NEURL1: variants seen among roughly 807,000 people sequenced by gnomAD.
NEURL1 encodes E3 ubiquitin-protein ligase NEURL1.
In NEURL1, 26 loss-of-function variants were observed where a neutral mutation model predicts 41.2. That is an observed-to-expected ratio of 0.63 (90% confidence interval 0.46 to 0.87). The LOEUF is 0.87. Ranked by LOEUF, NEURL1 falls within the 40% of genes least tolerant of loss-of-function variation. The probability of loss-of-function intolerance (pLI) is 0.00; values close to 1 mark genes in which losing one functional copy is unlikely to be tolerated. For missense variants in NEURL1, 761 were observed against 871.1 expected (o/e 0.87, Z 1.59); for synonymous variants, 400 against 402.3 (o/e 0.99, Z 0.07).
At chr10:103,518,937 A>C (rs888921030) in intron 1 of NEURL1, among the ~76,000 whole-genome samples, 1 of 152,148 alleles carries the variant, frequency 6.6e-6, no homozygotes, top group Non-Finnish European at 1.5e-5. Flanking sequence ...AACAATAAGC[A>C]CATATTGCTT....
chr10:103,496,419 G>A (rs567597554), intron 1 of NEURL1, among the ~76,000 whole-genome samples: 5 of 152,324 alleles, frequency 3.3e-5, no homozygotes, highest in African/African-American at 1.2e-4. Context: ...AAAAAGTGGT[G>A]TGAATGCAAA....
At chr10:103,514,648 G>T (rs1311241735) in intron 1 of NEURL1, among the ~76,000 whole-genome samples, 3 of 152,204 alleles carry the variant, frequency 2.0e-5, no homozygotes, top group African/African-American at 7.2e-5. Context: ...GTAGCCCCTG[G>T]CACTGTGGCA....
In NEURL1 at chr10:103,558,032, C is replaced by A. The variant is rs1017106472; in HGVS notation, c.86-12840C>A. The stretch of plus-strand genomic sequence containing the variant: ...TAGCTGGGATCACAGGCACCCACCA[C>A]CATGCCCGGCTAATTTTTTGTATTT... On this transcript the variant is annotated intron_variant, in intron 1 of 5. Transcript: ENST00000369780. This position sits in a 1 kb window ranked among gnomAD's most constrained non-coding sequence, Gnocchi z 4.2. 45 of 212,704 alleles carry A rather than the reference C, an allele frequency of 2.1e-4. No individual in the cohort carries two copies. The highest frequency in any genetic ancestry group is 3.2e-4 in the Non-Finnish European group (40 of 123,518). The allele number at this position is 212,704 out of a possible 1,614,324, so 13.2% of individuals were successfully genotyped here.
rs2035856956 is a variant in NEURL1 at position 103,584,586 on chromosome 10, C to T, written c.700C>T (p.Leu234=). ...DCLRPRSFTA[L]RRPSLRREAD... is the part of the protein sequence containing the mutation. ...TCTGCGGCCGCGCTCCTTCACCGCC[C>T]TGCGGCGGCCGTCGCTGCGGCGCGA... Residue 234 remains leucine (L), a synonymous_variant, in exon 4 of 6, where the codon CTG becomes TTG. Coordinates refer to ENST00000369780, the MANE Select transcript of NEURL1 (RefSeq NM_004210.5). 1.4e-6 allele frequency: 2 copies of T among 1,416,034 alleles called. No homozygotes were observed. The highest frequency in any genetic ancestry group is 3.1e-5 in the Admixed American group (1 of 32,746). 87.7% of individuals were successfully genotyped at this position (1,416,034 alleles called of 1,614,324 possible).
In NEURL1 at chr10:103,494,251, C is replaced by T. The variant is rs991274346; in HGVS notation, c.-137C>T. 12 of 626,086 alleles carry T rather than the reference C, an allele frequency of 1.9e-5. No individual in the cohort carries two copies. The highest frequency in any genetic ancestry group is 4.0e-5 in the Admixed American group (1 of 24,722). 38.8% of individuals were successfully genotyped at this position (626,086 alleles called of 1,614,324 possible). The stretch of plus-strand genomic sequence containing the variant: ...AGAAAGGAAGCTGAGGAGCTGCCCG[C>T]CCGCCCCCGGCTGCAGCCCCAGCAG... On this transcript the variant is annotated 5_prime_UTR_variant, in exon 1 of 6. Transcript: ENST00000369780.
rs1471260574 is a variant in NEURL1 at position 103,508,086 on chromosome 10, C to G, written c.85+13614C>G. On this transcript the variant is annotated intron_variant, in intron 1 of 5. Coordinates refer to ENST00000369780, the MANE Select transcript of NEURL1 (RefSeq NM_004210.5). This position sits in a 1 kb window ranked among gnomAD's most constrained non-coding sequence, Gnocchi z 4.3. ...CTGGATGGATGGCCCTGTAGTAAAA[C>G]AGAATGCGGAAGAGCAGCTGAGAAC... Among the ~76,000 whole-genome samples, 1 of 152,194 alleles carries G rather than the reference C, an allele frequency of 6.6e-6. No homozygotes were observed. Among genetic ancestry groups the G allele is most frequent in the East Asian group, 1.9e-4 (1 of 5,194 alleles).
intron 1 of NEURL1, among the ~76,000 whole-genome samples, chr10:103,504,001 TTATC>T (rs1183603349): frequency 1.4e-5 from 2 of 146,318 alleles, no homozygotes; most frequent in Non-Finnish European, 1.5e-5. Context: ...ATTTATTTAT[TTATC>T]TTTTTGGAGA....
intron 3 of NEURL1, among the ~76,000 whole-genome samples, chr10:103,576,995 C>G (rs2035679409): frequency 6.6e-6 from 1 of 152,128 alleles, no homozygotes; most frequent in South Asian, 2.1e-4. Flanking sequence ...GCCATCTGGG[C>G]CTTCTGCTTC....
At chr10:103,565,832 T>C (rs572750252) in intron 1 of NEURL1, among the ~76,000 whole-genome samples, 7 of 152,064 alleles carry the variant, frequency 4.6e-5, no homozygotes, top group African/African-American at 1.4e-4. Context: ...TGTAGTTTTT[T>C]TGTAGAGAAG....
chr10:103,562,066 C>G (rs2035305639), intron 1 of NEURL1, among the ~76,000 whole-genome samples: 1 of 152,224 alleles, frequency 6.6e-6, no homozygotes, highest in East Asian at 1.9e-4. Context: ...ATGCTGTGAA[C>G]TAGGCTATAG....
At chr10:103,499,281 C>T (rs1055224539) in intron 1 of NEURL1, among the ~76,000 whole-genome samples, 3 of 152,060 alleles carry the variant, frequency 2.0e-5, no homozygotes, top group African/African-American at 4.8e-5. Flanking sequence ...TTGTGGTGGG[C>T]CAGAGTGTCT....
At chr10:103,561,140 G>T (rs571560460) in intron 1 of NEURL1, among the ~76,000 whole-genome samples, 1 of 152,332 alleles carries the variant, frequency 6.6e-6, no homozygotes, top group Non-Finnish European at 1.5e-5. Context: ...GCCCCACACC[G>T]TGGCAGCTGG....
chr10:103,578,801 A>G (rs2035722666), intron 3 of NEURL1, among the ~76,000 whole-genome samples: 1 of 152,050 alleles, frequency 6.6e-6, no homozygotes, highest in Non-Finnish European at 1.5e-5. Flanking sequence ...AGGGGTGGAG[A>G]ACCCCCTTGC....
chr10:103,497,583 C>T (rs1219160032), intron 1 of NEURL1, among the ~76,000 whole-genome samples: 3 of 152,196 alleles, frequency 2.0e-5, no homozygotes, highest in Non-Finnish European at 4.4e-5. Flanking sequence ...TGGGACCCCA[C>T]CATCGCCTCT....
chr10:103,571,203 C>T, intron 2 of NEURL1, 90 bp downstream of exon 2: 1 of 1,313,234 alleles, frequency 7.6e-7, no homozygotes, highest in African/African-American at 1.4e-5. Flanking sequence ...CCCTCAGCCG[C>T]TGCCTGCTGC....
intron 1 of NEURL1, among the ~76,000 whole-genome samples, chr10:103,565,059 G>C (rs2035389589): frequency 6.6e-6 from 1 of 152,190 alleles, no homozygotes. Context: ...GCCTGAGTTA[G>C]GGCTGTAGCC....
intron 1 of NEURL1, among the ~76,000 whole-genome samples, chr10:103,549,800 T>C (rs2034996864): frequency 1.3e-5 from 2 of 152,368 alleles, no homozygotes; most frequent in South Asian, 2.1e-4. Context: ...TGTTGTCTTC[T>C]ATACCTCCTG....
intron 1 of NEURL1, among the ~76,000 whole-genome samples, chr10:103,509,036 C>T (rs890493178): frequency 1.3e-5 from 2 of 152,120 alleles, no homozygotes; most frequent in African/African-American, 4.8e-5. Flanking sequence ...CGAGACCAGC[C>T]CGGCCAACAT....
At position 103,571,729 on chromosome 10, in the gene NEURL1, G is replaced by T; in HGVS notation, c.556G>T (p.Ala186Ser). 3 of 1,614,202 alleles carry T rather than the reference G, an allele frequency of 1.9e-6. No homozygotes were observed. Among genetic ancestry groups the T allele is most frequent in the Non-Finnish European group, 2.5e-6 (3 of 1,180,004 alleles). ...TGTCTTCCACCGCATCAACGACTCG[G>T]CTGTTATGCTGTTCTTCAGCGGGGT... is the stretch of plus-strand genomic sequence containing the variant. Reference protein sequence around the residue: ...GRVFHRINDSAVMLFFSGVRT... With the variant: ...GRVFHRINDSSVMLFFSGVRT... Residue 186 changes from alanine (A) to serine (S), a missense_variant, in exon 3 of 6, where the codon GCT becomes TCT. Physicochemically the swap from Ala to Ser is moderately conservative, Grantham distance 99. Coordinates refer to ENST00000369780, the MANE Select transcript of NEURL1 (RefSeq NM_004210.5).
Sources: allele counts gnomAD v4.1 joint callset (sites outside exome capture counted in the v4.1 genomes callset), GRCh38; gene constraint gnomAD v4.1.1; non-coding constraint Gnocchi (gnomAD v3.1); transcripts MANE v1.5; gene names NCBI Gene and HGNC (gene_info 2026-07-23, HGNC 2026-07-21).